Variants in CALM2 observed in about 807,000 individuals in gnomAD.
CALM2 encodes the protein calmodulin-2.
CALM2 carries 2 observed loss-of-function variants against 19.8 expected under a neutral mutation model. The observed-to-expected ratio is 0.10, with a 90% CI of 0.04 to 0.32. The LOEUF is 0.32. CALM2 is among the 10% of genes least tolerant of loss of function. CALM2 has a pLI of 1.00. For missense variants in CALM2, 38 were observed against 178.7 expected (o/e 0.21, Z 4.49); for synonymous variants, 51 against 52.1 (o/e 0.98, Z 0.09).
intron 1 of CALM2, chr2:47,173,491 T>C (rs1353835219): frequency 6.6e-6 from 1 of 152,234 alleles, no homozygotes; most frequent in Non-Finnish European, 1.5e-5. Flanking sequence ...TACTAGAATG[T>C]TCATTTTGGA....
At chr2:47,171,032 A>G in intron 1 of CALM2, 1 of 385,382 alleles carries the variant, frequency 2.6e-6, no homozygotes. Flanking sequence ...TCCTTTTTCA[A>G]CGTTAGAATA....
At chr2:47,165,104 A>G (rs1486302466) in intron 2 of CALM2, among the ~76,000 whole-genome samples, 1 of 152,250 alleles carries the variant, frequency 6.6e-6, no homozygotes, top group African/African-American at 2.4e-5. Flanking sequence ...CCACTATTTT[A>G]AAATGACATC....
In CALM2 at chr2:47,162,338, T is replaced by C; in HGVS notation, c.233A>G (p.Lys78Arg). 6.2e-7 allele frequency: 1 copy of C among 1,613,096 alleles called. No homozygotes were observed. Among genetic ancestry groups the C allele is most frequent in the Non-Finnish European group, 8.5e-7 (1 of 1,179,576 alleles). Reference protein sequence around the residue: ...EFLTMMARKMKDTDSEEEIRE... With the variant: ...EFLTMMARKMRDTDSEEEIRE... ...AATTTCTTCTTCACTGTCTGTGTCT[T>C]TCATTTTTCTTGCCATCATTGTCAG... is the stretch of plus-strand genomic sequence containing the variant. Residue 78 changes from lysine (K) to arginine (R), a missense_variant, in exon 4 of 6, where the codon AAA becomes AGA. Lys to Arg is a conservative substitution (Grantham distance 26, BLOSUM62 2). Transcript: ENST00000272298.
intron 1 of CALM2, chr2:47,174,042 T>C (rs1401533852): frequency 1.3e-5 from 2 of 152,222 alleles, no homozygotes; most frequent in African/African-American, 2.4e-5. Flanking sequence ...AAACAGGCGT[T>C]GGCACTTATA....
chr2:47,172,492 T>C (rs1666703519), intron 1 of CALM2: 9 of 1,221,030 alleles, frequency 7.4e-6, no homozygotes, highest in South Asian at 1.3e-5. Context: ...TTATTTCATA[T>C]AAATTAACAA....
chr2:47,170,993 A>G (rs910109438), intron 1 of CALM2: 20 of 478,048 alleles, frequency 4.2e-5, no homozygotes, highest in African/African-American at 3.7e-4. Flanking sequence ...TTTTGAAAAT[A>G]TACTTTAGAA....
intron 1 of CALM2, chr2:47,173,467 C>T (rs1447504523): frequency 1.3e-5 from 2 of 152,192 alleles, no homozygotes; most frequent in Non-Finnish European, 2.9e-5. Flanking sequence ...TCAGGTTCCT[C>T]CCTAGACCTC....
Position 47,160,261 on chromosome 2 carries a change from A to C in CALM2, c.*515T>G, listed in dbSNP as rs1292066912. The C allele has an allele frequency of 3.9e-5, 6 of 152,736 alleles. No individual in the cohort carries two copies. Among genetic ancestry groups the C allele is most frequent in the African/African-American group, 1.2e-4 (5 of 41,474 alleles). The allele number at this position is 152,736 out of a possible 1,614,324, so 9.5% of individuals were successfully genotyped here. A position where few individuals can be genotyped will look rare whatever the true frequency, so the allele number is the denominator to read the frequency against. ...ATAAGCAGATTTTAAGTGGCTAAAC[A>C]AAGTTTAAAAAGCAAGTAACAATAA... is the stretch of plus-strand genomic sequence containing the variant. On this transcript the variant is annotated 3_prime_UTR_variant, in exon 6 of 6. Transcript: ENST00000272298.
intron 1 of CALM2, chr2:47,172,954 C>T (rs1319655180): frequency 6.6e-6 from 1 of 152,244 alleles, no homozygotes; most frequent in Non-Finnish European, 1.5e-5. Flanking sequence ...GACCTCATAC[C>T]ATCTTGTCTA....
chr2:47,168,582 T>C (rs1666564092), intron 2 of CALM2, among the ~76,000 whole-genome samples: 2 of 151,818 alleles, frequency 1.3e-5, no homozygotes, highest in South Asian at 4.2e-4. Context: ...CTACTAAAAA[T>C]ACAAAAATAG....
chr2:47,170,772 G>A lies in CALM2; in HGVS notation c.4-8C>T, dbSNP rs1558699616. The A allele has an allele frequency of 1.2e-6, 2 of 1,612,010 alleles. No individual in the cohort carries two copies. Among genetic ancestry groups the A allele is most frequent in the Non-Finnish European group, 1.7e-6 (2 of 1,178,098 alleles). ...TTCAGTCAGTTGGTCAGCCTACAAA[G>A]AGATCAAAGAGGAAGGTTAGTGACT... On this transcript the variant is annotated splice_region_variant and splice_polypyrimidine_tract_variant and intron_variant, in intron 1 of 5. Transcript: ENST00000272298.
At chr2:47,165,003 A>G (rs59181589) in intron 2 of CALM2, among the ~76,000 whole-genome samples, 343 of 152,306 alleles carry the variant, frequency 2.3e-3, no homozygotes, top group African/African-American at 6.1e-3. Context: ...ACTAAATTGA[A>G]ACCTTAGTTA....
intron 1 of CALM2, among the ~76,000 whole-genome samples, chr2:47,174,515 AT>A (rs1455119241): frequency 6.6e-6 from 1 of 152,166 alleles, no homozygotes; most frequent in African/African-American, 2.4e-5. Context: ...GTCACAAATA[AT>A]GATATCTGTC....
chr2:47,175,081 G>GTTGTTTT (rs1553433851), intron 1 of CALM2, among the ~76,000 whole-genome samples: 2 of 77,964 alleles, frequency 2.6e-5, no homozygotes, highest in Non-Finnish European at 4.1e-5. Flanking sequence ...CTCATTAGGT[G>GTTGTTTT]TTTTTTTTTT....
At chr2:47,176,616 C>G, upstream of CALM2, 2 of 1,524,308 alleles carry the variant, frequency 1.3e-6, no homozygotes, top group East Asian at 2.5e-5. Flanking sequence ...GGCCAACCCC[C>G]TCCCCTCAAA....
At chr2:47,176,754 C>G (rs561204675), upstream of CALM2, 48 of 985,448 alleles carry the variant, frequency 4.9e-5, 1 homozygote, top group South Asian at 2.0e-3. Context: ...TGGAGCGGCC[C>G]CTGAGGGGCG....
At chr2:47,169,921 T>C (rs914200489) in intron 2 of CALM2, among the ~76,000 whole-genome samples, 1 of 145,200 alleles carries the variant, frequency 6.9e-6, no homozygotes, top group African/African-American at 2.6e-5. Flanking sequence ...AAGTGTCTAA[T>C]GAAAACAAAG....
At chr2:47,167,790 A>G (rs1376385094) in intron 2 of CALM2, 1 of 115,400 alleles carries the variant, frequency 8.7e-6, no homozygotes, top group Non-Finnish European at 1.7e-5. Flanking sequence ...TAAAAAAAAA[A>G]AAAAAAAAAT....
At chr2:47,167,265 ATACTG>A (rs1209676716) in intron 2 of CALM2, among the ~76,000 whole-genome samples, 2 of 152,194 alleles carry the variant, frequency 1.3e-5, no homozygotes, top group Admixed American at 6.5e-5. Context: ...TAAGGAAAAA[ATACTG>A]TACATTTTTC....
Sources: gnomAD v4.1 joint callset for allele counts (sites outside exome capture counted in the v4.1 genomes callset) on GRCh38, gnomAD v4.1.1 for gene constraint, MANE v1.5 for transcripts, NCBI Gene and HGNC (gene_info 2026-07-23, HGNC 2026-07-21) for gene names.